ZRANB3: variants seen among roughly 807,000 people sequenced by gnomAD.
ZRANB3 encodes the protein zinc finger RANBP2-type containing 3.
A neutral mutation model predicts 133.8 loss-of-function variants in ZRANB3; 125 were observed. The observed-to-expected ratio is 0.93, with a 90% confidence interval of 0.81 to 1.08. The LOEUF is 1.08. Among genes scored for constraint, ZRANB3 ranks in the 50% least tolerant of loss-of-function variants. The pLI is 0.00. For synonymous variants in ZRANB3, 387 were observed against 432.7 expected (o/e 0.89, Z 1.31); for missense variants, 1,229 against 1,275.5 (o/e 0.96, Z 0.56).
chr2:135,213,575 A>C (rs959063576), intron 17 of ZRANB3, among the ~76,000 whole-genome samples: 1 of 152,046 alleles, frequency 6.6e-6, no homozygotes, highest in African/African-American at 2.4e-5. Context: ...GCCTCTCTAT[A>C]ATCAGTCACC....
At chr2:135,413,259 G>C (rs1296403975) in intron 2 of ZRANB3, among the ~76,000 whole-genome samples, 1 of 152,164 alleles carries the variant, frequency 6.6e-6, no homozygotes, top group Non-Finnish European at 1.5e-5. Flanking sequence ...GACATGAATA[G>C]ACTAGTGAAT....
intron 2 of ZRANB3, among the ~76,000 whole-genome samples, chr2:135,418,216 A>C (rs949604481): frequency 2.6e-5 from 4 of 152,218 alleles, no homozygotes; most frequent in African/African-American, 9.6e-5. Context: ...CATTATAAGT[A>C]ATCTAGAGAT....
chr2:135,344,825 G>A (rs1684845447), intron 6 of ZRANB3, among the ~76,000 whole-genome samples: 1 of 152,118 alleles, frequency 6.6e-6, no homozygotes, highest in African/African-American at 2.4e-5. Context: ...CATACTAGAC[G>A]AAGAAAGCAA....
intron 10 of ZRANB3, among the ~76,000 whole-genome samples, 173 bp from the exon 11 acceptor site, chr2:135,269,314 A>C (rs1022159955): frequency 2.0e-5 from 3 of 152,166 alleles, no homozygotes; most frequent in African/African-American, 7.2e-5. Context: ...TGTTTAATGC[A>C]ACATAGCTAG....
chr2:135,516,637 C>T (rs1693710318), intron 1 of ZRANB3, among the ~76,000 whole-genome samples: 1 of 152,232 alleles, frequency 6.6e-6, no homozygotes, highest in Non-Finnish European at 1.5e-5. Flanking sequence ...GAGAGATCCA[C>T]TGTTAGTCTG....
chr2:135,452,554 A>G (rs1466506733), intron 2 of ZRANB3, among the ~76,000 whole-genome samples: 6 of 152,228 alleles, frequency 3.9e-5, no homozygotes, highest in African/African-American at 1.2e-4. Context: ...CCTGGATACA[A>G]TGGGAGTACA....
chr2:135,258,238 G>A (rs771853807), intron 12 of ZRANB3, among the ~76,000 whole-genome samples: 29 of 152,254 alleles, frequency 1.9e-4, no homozygotes, highest in Non-Finnish European at 3.2e-4. Context: ...TGTATTAAAA[G>A]TCATAAAAGT....
intron 3 of ZRANB3, among the ~76,000 whole-genome samples, chr2:135,380,818 C>G (rs1686654766): frequency 6.6e-6 from 1 of 152,144 alleles, no homozygotes; most frequent in Non-Finnish European, 1.5e-5. Context: ...AAGATCAGAG[C>G]AGCACTGAAG....
intron 8 of ZRANB3, among the ~76,000 whole-genome samples, chr2:135,279,455 C>T (rs192380249): frequency 7.1e-4 from 108 of 152,298 alleles, no homozygotes; most frequent in African/African-American, 2.6e-3. Flanking sequence ...GTCATGGCAA[C>T]TGAACCACTT....
Position 135,353,571 on chromosome 2 carries a change from A to G in ZRANB3, c.238T>C (p.Trp80Arg). 1 of 1,606,004 alleles carries G rather than the reference A, an allele frequency of 6.2e-7. No homozygotes were observed. Among genetic ancestry groups the G allele is most frequent in the Non-Finnish European group, 8.5e-7 (1 of 1,175,302 alleles). ...GAAGGGACCACTATTAACAGAGGCC[A>G]TTCCTCTTTATAGAAGTAAGTAATT... ...IGITYFYKEE[W>R]PLLIVVPSSL... The change falls in exon 4 of 21, where the codon TGG becomes CGG. Residue 80 changes from tryptophan to arginine, a missense_variant. Transcript: ENST00000264159.
intron 2 of ZRANB3, among the ~76,000 whole-genome samples, chr2:135,489,320 A>AG (rs1692273443): frequency 1.6e-5 from 1 of 60,806 alleles, no homozygotes; most frequent in Non-Finnish European, 3.0e-5. Flanking sequence ...GGGTGGGGGG[A>AG]GGGGGGAGGG....
chr2:135,347,969 T>C, intron 5 of ZRANB3, among the ~76,000 whole-genome samples: 1 of 149,870 alleles, frequency 6.7e-6, no homozygotes, highest in Non-Finnish European at 1.5e-5. Context: ...AAGATAAGAG[T>C]GGAAATAGAC....
chr2:135,247,793 T>C (rs944644418), intron 12 of ZRANB3, among the ~76,000 whole-genome samples: 2 of 152,156 alleles, frequency 1.3e-5, no homozygotes, highest in African/African-American at 4.8e-5. Flanking sequence ...AGTCACCATG[T>C]TTGCTGTTTG....
intron 2 of ZRANB3, among the ~76,000 whole-genome samples, chr2:135,502,180 T>C (rs1227114451): frequency 1.3e-5 from 2 of 152,138 alleles, no homozygotes; most frequent in Non-Finnish European, 2.9e-5. Flanking sequence ...AAGTTTCCAT[T>C]TGCCAAAAAA....
At chr2:135,455,704 G>A (rs1338831177) in intron 2 of ZRANB3, among the ~76,000 whole-genome samples, 3 of 146,260 alleles carry the variant, frequency 2.1e-5, no homozygotes, top group Admixed American at 7.2e-5. Flanking sequence ...CCATTCTCCT[G>A]CCTCAGCCTC....
At chr2:135,469,472 ATAAT>A in intron 2 of ZRANB3, among the ~76,000 whole-genome samples, 1 of 152,362 alleles carries the variant, frequency 6.6e-6, no homozygotes, top group Non-Finnish European at 1.5e-5. Flanking sequence ...AGTTAAGAAC[ATAAT>A]TAATAAATTT....
chr2:135,267,002 G>A (rs1467749921), intron 11 of ZRANB3, among the ~76,000 whole-genome samples: 3 of 152,092 alleles, frequency 2.0e-5, no homozygotes, highest in Non-Finnish European at 4.4e-5. Context: ...ATAAAACCAA[G>A]CTGTAGCCCA....
intron 3 of ZRANB3, among the ~76,000 whole-genome samples, chr2:135,386,783 A>G (rs778347230): frequency 3.9e-5 from 6 of 152,122 alleles, no homozygotes; most frequent in Non-Finnish European, 5.9e-5. Flanking sequence ...TTAGGTGGGA[A>G]CTGAACAATG....
chr2:135,250,289 G>A (rs888355961), intron 12 of ZRANB3, among the ~76,000 whole-genome samples: 7 of 152,192 alleles, frequency 4.6e-5, no homozygotes, highest in Admixed American at 2.6e-4. Context: ...GAGGTGACTT[G>A]GGTGCTGTTA....
Sources: gnomAD v4.1 joint callset for allele counts (sites outside exome capture counted in the v4.1 genomes callset) on GRCh38, gnomAD v4.1.1 for gene constraint, MANE v1.5 for transcripts, NCBI Gene and HGNC (gene_info 2026-07-23, HGNC 2026-07-21) for gene names.